KCNJ6: variants seen among roughly 807,000 people sequenced by gnomAD.
KCNJ6 encodes the protein potassium inwardly rectifying channel subfamily J member 6, also known as G protein-activated inward rectifier potassium channel 2.
Under a neutral mutation model 34.2 loss-of-function variants are expected in KCNJ6, and 9 were observed. That is an observed-to-expected ratio of 0.26 (90% CI 0.16 to 0.46). The LOEUF (loss-of-function observed/expected upper bound fraction) is 0.46. Among genes scored for constraint, KCNJ6 ranks in the 20% least tolerant of loss-of-function variants. KCNJ6 has a pLI of 1.00. For synonymous variants in KCNJ6, 196 were observed against 207.1 expected, an observed-to-expected ratio of 0.95 and a Z score of 0.46; for missense variants, 236 against 531.3, an observed-to-expected ratio of 0.44 and a Z score of 5.46.
intron 2 of KCNJ6, among the ~76,000 whole-genome samples, chr21:37,737,964 A>G (rs1467200676): frequency 6.6e-6 from 1 of 152,202 alleles, no homozygotes; most frequent in South Asian, 2.1e-4. Context: ...CCTGGGGTCA[A>G]ACCATGCTCT....
intron 2 of KCNJ6, among the ~76,000 whole-genome samples, chr21:37,718,455 G>A (rs981585070): frequency 6.6e-6 from 1 of 152,200 alleles, no homozygotes; most frequent in African/African-American, 2.4e-5. Context: ...GAAAGCCGAA[G>A]ATGAATGTCT....
intron 1 of KCNJ6, among the ~76,000 whole-genome samples, chr21:37,843,280 A>T (rs2055490251): frequency 6.6e-6 from 1 of 152,110 alleles, no homozygotes; most frequent in South Asian, 2.1e-4. Flanking sequence ...AGAGATGTCA[A>T]ATACTGCCTG....
chr21:37,914,134 C>T (rs1377042515), intron 1 of KCNJ6, among the ~76,000 whole-genome samples: 1 of 151,874 alleles, frequency 6.6e-6, no homozygotes, highest in Non-Finnish European at 1.5e-5. Flanking sequence ...TTCCCTGTCC[C>T]AGTGTTCTTG....
chr21:37,648,126 C>T (rs957366896), intron 3 of KCNJ6, among the ~76,000 whole-genome samples: 2 of 152,086 alleles, frequency 1.3e-5, no homozygotes, highest in African/African-American at 4.8e-5. Context: ...AGGGGGACAT[C>T]AGGCTGAAGC....
intron 2 of KCNJ6, among the ~76,000 whole-genome samples, chr21:37,754,860 AG>A (rs1403681625): frequency 6.6e-6 from 1 of 152,194 alleles, no homozygotes; most frequent in African/African-American, 2.4e-5. Flanking sequence ...GGCTGTTCCT[AG>A]GACTTGAGGC....
intron 3 of KCNJ6, among the ~76,000 whole-genome samples, chr21:37,639,403 A>G (rs569321539): frequency 1.2e-3 from 185 of 152,332 alleles, no homozygotes; most frequent in Admixed American, 2.6e-3. Flanking sequence ...AGGTTGTACA[A>G]TCAAAACACT....
At chr21:37,892,171 T>G (rs145842321) in intron 1 of KCNJ6, among the ~76,000 whole-genome samples, 3 of 152,308 alleles carry the variant, frequency 2.0e-5, no homozygotes, top group African/African-American at 7.2e-5. Flanking sequence ...TTAATCAGTC[T>G]AGGGTTTTAG....
chr21:37,744,263 G>T (rs2054955911), intron 2 of KCNJ6, among the ~76,000 whole-genome samples: 1 of 151,822 alleles, frequency 6.6e-6, no homozygotes, highest in Non-Finnish European at 1.5e-5. Context: ...GTATACATAT[G>T]TAACAAACCT....
chr21:37,780,946 A>G (rs7283395), intron 2 of KCNJ6, among the ~76,000 whole-genome samples: 92,832 of 152,168 alleles, frequency 0.61, 30,341 homozygotes, highest in African/African-American at 0.85. Flanking sequence ...GGAGAAAGAG[A>G]AAGAAATAAC....
chr21:37,675,291 A>C lies in KCNJ6; in HGVS notation c.946+38920T>G, dbSNP rs1380986943. On this transcript the variant is annotated intron_variant, in intron 3 of 3. Coordinates refer to ENST00000609713, the MANE Select transcript of KCNJ6 (RefSeq NM_002240.5). This position sits in a 1 kb window ranked among gnomAD's most constrained non-coding sequence, Gnocchi z 4.2. Reference sequence around the variant, plus strand: ...CGTCTCAGAGATGTAAAGGCCACACAGATGAGACCTCAGAGAGGAAGGAAT... The same window carrying C: ...CGTCTCAGAGATGTAAAGGCCACACCGATGAGACCTCAGAGAGGAAGGAAT... Among the ~76,000 whole-genome samples, 1 of 152,266 alleles carries C rather than the reference A, an allele frequency of 6.6e-6. No homozygotes were observed. Among genetic ancestry groups the C allele is most frequent in the Admixed American group, 6.5e-5 (1 of 15,286 alleles).
At chr21:37,822,695 G>A (rs1413595191) in intron 2 of KCNJ6, among the ~76,000 whole-genome samples, 7 of 152,110 alleles carry the variant, frequency 4.6e-5, no homozygotes, top group East Asian at 3.9e-4. Flanking sequence ...CTATGGATTC[G>A]ATTTTGATTG....
chr21:37,675,641 G>A lies in KCNJ6; in HGVS notation c.946+38570C>T, dbSNP rs1203081644. On this transcript the variant is annotated intron_variant, in intron 3 of 3. Coordinates refer to ENST00000609713, the MANE Select transcript of KCNJ6 (RefSeq NM_002240.5). The surrounding 1 kb of genome is among the most constrained non-coding windows in gnomAD (Gnocchi z 4.2). ...AGGAGAGGCCGTGTGGCCATAAAAGGGCTGACCTCCTGATTCGGACTCCGC... is the reference window on the plus strand; with the variant it reads ...AGGAGAGGCCGTGTGGCCATAAAAGAGCTGACCTCCTGATTCGGACTCCGC... Among the ~76,000 whole-genome samples, 1 of 152,232 alleles carries A rather than the reference G, an allele frequency of 6.6e-6. No individual in the cohort carries two copies. Among genetic ancestry groups the A allele is most frequent in the Non-Finnish European group, 1.5e-5 (1 of 68,044 alleles).
chr21:37,614,429 C>T lies in KCNJ6; in HGVS notation c.*10730G>A, dbSNP rs543007070. On this transcript the variant is annotated 3_prime_UTR_variant, in exon 4 of 4. Transcript: ENST00000609713. ...ATGTGTCTGTGTCTGTGTGAGTATG[C>T]GTGTATCTCTGTGTGTATGCATGTG... is the stretch of plus-strand genomic sequence containing the variant. 2,756 of 61,536 alleles carry T rather than the reference C, an allele frequency of 0.045. 49 individuals are homozygous for T. Among genetic ancestry groups the T allele is most frequent in the Non-Finnish European group, 0.063 (1,720 of 27,324 alleles). 3.8% of individuals were successfully genotyped at this position (61,536 alleles called of 1,614,324 possible).
At chr21:37,854,115 C>A (rs2055552586) in intron 1 of KCNJ6, among the ~76,000 whole-genome samples, 1 of 150,844 alleles carries the variant, frequency 6.6e-6, no homozygotes, top group Non-Finnish European at 1.5e-5. Context: ...CATAAATGGT[C>A]CAAATACACC....
chr21:37,717,155 T>C (rs2054796355), intron 2 of KCNJ6: 1 of 154,422 alleles, frequency 6.5e-6, no homozygotes, highest in Non-Finnish European at 1.5e-5. Flanking sequence ...CTGCAGAGCC[T>C]ACTCTCTAGT....
chr21:37,851,740 T>A (rs1349947253), intron 1 of KCNJ6, among the ~76,000 whole-genome samples: 1 of 151,466 alleles, frequency 6.6e-6, no homozygotes, highest in Non-Finnish European at 1.5e-5. Flanking sequence ...TGATGCAGAT[T>A]GATTTTTTTT....
intron 3 of KCNJ6, among the ~76,000 whole-genome samples, chr21:37,705,461 T>C (rs1437808829): frequency 2.0e-5 from 3 of 152,202 alleles, no homozygotes; most frequent in African/African-American, 7.2e-5. Flanking sequence ...GTAATTGGCA[T>C]CCATTAGGCA....
At chr21:37,785,232 T>C (rs530532723) in intron 2 of KCNJ6, among the ~76,000 whole-genome samples, 63 of 152,296 alleles carry the variant, frequency 4.1e-4, no homozygotes, top group Non-Finnish European at 7.8e-4. Flanking sequence ...AGGTTATCAC[T>C]GTTAATGTGA....
intron 2 of KCNJ6, among the ~76,000 whole-genome samples, chr21:37,833,395 A>C (rs1289547513): frequency 6.6e-6 from 1 of 152,098 alleles, no homozygotes; most frequent in Non-Finnish European, 1.5e-5. Flanking sequence ...CACAGAGTGG[A>C]ATTGTGCCCC....
Sources: allele counts gnomAD v4.1 joint callset (sites outside exome capture counted in the v4.1 genomes callset), GRCh38; gene constraint gnomAD v4.1.1; non-coding constraint Gnocchi (gnomAD v3.1); transcripts MANE v1.5; gene names NCBI Gene and HGNC (gene_info 2026-07-23, HGNC 2026-07-21).